VWA5B1: variants seen among roughly 807,000 people sequenced by gnomAD.
VWA5B1 encodes the protein von Willebrand factor A domain containing 5B1, also known as von Willebrand factor A domain-containing protein 5B1.
A neutral mutation model predicts 118.2 loss-of-function variants in VWA5B1; 115 were observed. The observed-to-expected ratio is 0.97, with a 90% CI of 0.84 to 1.14. The LOEUF (loss-of-function observed/expected upper bound fraction) is 1.14, where lower values mean the gene tolerates loss of function less well. Among genes scored for constraint, VWA5B1 ranks in the 50% most tolerant of loss-of-function variants. The pLI, the probability that VWA5B1 is intolerant of heterozygous loss-of-function variation, is 0.00. For missense variants in VWA5B1, 1,596 were observed against 1,603.8 expected, an observed-to-expected ratio of 1.00 and a Z score of 0.08; for synonymous variants, 682 against 658.4, an observed-to-expected ratio of 1.04 and a Z score of -0.55.
chr1:20,340,526 T>C (rs1464188684), intron 14 of VWA5B1, among the ~76,000 whole-genome samples: 3 of 152,160 alleles, frequency 2.0e-5, no homozygotes, highest in Non-Finnish European at 4.4e-5. Context: ...CGCCTCCTAA[T>C]AAATACTTGA....
At chr1:20,309,972 G>C (rs948152873) in intron 1 of VWA5B1, among the ~76,000 whole-genome samples, 5 of 150,850 alleles carry the variant, frequency 3.3e-5, no homozygotes, top group Non-Finnish European at 7.4e-5. Context: ...GCGTGGGGGT[G>C]GGGGGTGGTG....
rs772130155 is a variant in VWA5B1, at chr1:20,319,490, G to A, written c.950G>A (p.Ser317Asn). Residue 317 changes from serine (S) to asparagine (N), a missense_variant, in exon 7 of 22, where the codon AGC becomes AAC. Transcript: ENST00000289815. ...TDFIKGMKKK[S>N]RAERKTEIIR... is the part of the protein sequence containing the mutation. ...TTCATTAAAGGGATGAAGAAGAAGAGCAGAGCAGAGCGGAAGGTGAGGGCA... is the reference window on the plus strand; with the variant it reads ...TTCATTAAAGGGATGAAGAAGAAGAACAGAGCAGAGCGGAAGGTGAGGGCA... 5.2e-6 allele frequency: 8 copies of A among 1,551,658 alleles called. No individual in the cohort carries two copies. Among genetic ancestry groups the A allele is most frequent in the African/African-American group, 1.4e-5 (1 of 73,056 alleles).
intron 15 of VWA5B1, 87 bp from the exon 16 acceptor site, chr1:20,342,992 T>G: frequency 1.4e-6 from 2 of 1,451,276 alleles, no homozygotes. Flanking sequence ...TAGAAGTGTC[T>G]GCTCCCTGGG....
intron 8 of VWA5B1, among the ~76,000 whole-genome samples, chr1:20,326,180 G>C (rs942702087): frequency 6.6e-6 from 1 of 152,210 alleles, no homozygotes; most frequent in African/African-American, 2.4e-5. Flanking sequence ...AATGAAGAGA[G>C]ATTGAGAGAA....
intron 1 of VWA5B1, among the ~76,000 whole-genome samples, chr1:20,307,627 T>G (rs1366327181): frequency 6.6e-6 from 1 of 151,790 alleles, no homozygotes; most frequent in African/African-American, 2.4e-5. Flanking sequence ...CCACATTTCC[T>G]CTGCTGCTAG....
In VWA5B1 at chr1:20,343,321, C is replaced by T. The variant is rs1175334407; in HGVS notation, c.2554C>T (p.His852Tyr). 14 of 1,544,536 alleles carry T rather than the reference C, an allele frequency of 9.1e-6. No homozygotes were observed. The highest frequency in any genetic ancestry group is 1.2e-5 in the Non-Finnish European group (14 of 1,145,766). Reference sequence around the variant, plus strand: ...TGCCGACCTATGGAGCGAGACCTTCCACCACCTGGCGGCCCGCGCCATCAT... The same window carrying T: ...TGCCGACCTATGGAGCGAGACCTTCTACCACCTGGCGGCCCGCGCCATCAT... ...QDADLWSETF[H>Y]HLAARAIIRD... Residue 852 changes from histidine to tyrosine, a missense_variant, in exon 16 of 22, where the codon CAC (histidine) becomes TAC (tyrosine). His to Tyr is a moderately conservative substitution (Grantham distance 83). Coordinates refer to ENST00000289815, the MANE Select transcript of VWA5B1 (RefSeq NM_001039500.3).
intron 1 of VWA5B1, chr1:20,294,405 G>A (rs1398301535): frequency 6.6e-6 from 1 of 152,322 alleles, no homozygotes; most frequent in Non-Finnish European, 1.5e-5. Flanking sequence ...AAGGGACAAA[G>A]AGTACTATCT....
rs1285280792 is a variant in VWA5B1 at position 20,336,468 on chromosome 1, G to C, written c.1924G>C (p.Asp642His). 8.2e-6 allele frequency: 12 copies of C among 1,460,684 alleles called. No individual in the cohort carries two copies. In the East Asian group the frequency reaches 2.1e-4, roughly 26 times the overall value. 90.5% of individuals were successfully genotyped at this position (1,460,684 alleles called of 1,614,324 possible). The change falls in exon 13 of 22, where the codon GAC (aspartate) becomes CAC (histidine). Residue 642 changes from aspartate to histidine, a missense_variant. Asp to His is a moderately conservative substitution (Grantham distance 81, BLOSUM62 -1). Transcript: ENST00000289815. ...QAKNARLASG[D>H]STTKHDLNLS... ...CAAAAATGCCCGGCTAGCCAGCGGA[G>C]ACTCTACCACCAAGCACGGTTCGTC...
intron 2 of VWA5B1, 109 bp from the exon 3 acceptor site, chr1:20,312,727 G>T (rs886203080): frequency 7.4e-7 from 1 of 1,357,092 alleles, no homozygotes; most frequent in African/African-American, 1.5e-5. Flanking sequence ...TCCAATAAGC[G>T]GCAGTGGGCA....
intron 8 of VWA5B1, 90 bp downstream of exon 8, chr1:20,323,622 T>C: frequency 8.0e-7 from 1 of 1,251,800 alleles, no homozygotes; most frequent in Middle Eastern, 2.8e-4. Flanking sequence ...GCACTTTCTG[T>C]TCCAAGAAAC....
rs984196598 is a variant in VWA5B1 at position 20,358,482 on chromosome 1, G to T, written c.*4219G>T. 6.6e-6 allele frequency among the ~76,000 whole-genome samples: 1 copy of T among 152,148 alleles called. No individual in the cohort carries two copies. Among genetic ancestry groups the T allele is most frequent in the Non-Finnish European group, 1.5e-5 (1 of 68,004 alleles). On this transcript the variant is annotated 3_prime_UTR_variant, in exon 22 of 22. Transcript: ENST00000289815. ...AGGGGGTCTCCCCTATCTGTGTACA[G>T]TCTGCCCCCCCACCCTGCAATTGCC...
chr1:20,297,813 T>C lies in VWA5B1; in HGVS notation c.-27+6725T>C, dbSNP rs1570039951. 3.3e-5 allele frequency among the ~76,000 whole-genome samples: 5 copies of C among 152,132 alleles called. No homozygotes were observed. The East Asian group carries it at 9.7e-4, about 29-fold the overall frequency. On this transcript the variant is annotated intron_variant, in intron 1 of 21. Transcript: ENST00000289815. ...AGCTCTGCCCTGGGAGCTCCAAACC[T>C]CTTGTGTTATTTCCCCTCTGAGCCT... is the stretch of plus-strand genomic sequence containing the variant.
At chr1:20,350,804 AGTTGGAC>A in intron 19 of VWA5B1, 46 bp from the exon 20 acceptor site, 3 of 1,519,920 alleles carry the variant, frequency 2.0e-6, no homozygotes, top group Non-Finnish European at 2.7e-6. Context: ...GTCAGTGAGC[AGTTGGAC>A]GGGGTCATCT....
chr1:20,345,255 TGTGAAATGATGAC>T (rs1422830910), intron 16 of VWA5B1, among the ~76,000 whole-genome samples, 188 bp from the exon 17 acceptor site: 2 of 152,234 alleles, frequency 1.3e-5, no homozygotes, highest in East Asian at 1.9e-4. Flanking sequence ...TCCTTTATTT[TGTGAAATGATGAC>T]GTGAAATGAT....
chr1:20,293,119 A>G (rs865970050), intron 1 of VWA5B1, among the ~76,000 whole-genome samples: 2 of 152,190 alleles, frequency 1.3e-5, no homozygotes, highest in African/African-American at 2.4e-5. Context: ...AGCCCCACCC[A>G]GGGTGATGAC....
At chr1:20,300,868 C>T (rs896030438) in intron 1 of VWA5B1, among the ~76,000 whole-genome samples, 2 of 152,236 alleles carry the variant, frequency 1.3e-5, no homozygotes, top group African/African-American at 2.4e-5. Context: ...AGCTGTGCTC[C>T]GTCCAGGCCC....
chr1:20,349,024 C>T, intron 18 of VWA5B1: 1 of 269,040 alleles, frequency 3.7e-6, no homozygotes, highest in Non-Finnish European at 7.8e-6. Context: ...TTTTGCTGTG[C>T]AGGAGGAAGA....
At chr1:20,343,513 C>T in intron 16 of VWA5B1, 120 bp downstream of exon 16, 1 of 1,419,004 alleles carries the variant, frequency 7.0e-7, no homozygotes, top group South Asian at 1.5e-5. Context: ...GTGGTCCGCC[C>T]ACCTGCTTCC....
chr1:20,310,510 G>C, intron 1 of VWA5B1, 66 bp from the exon 2 acceptor site: 2 of 1,402,104 alleles, frequency 1.4e-6, no homozygotes, highest in Non-Finnish European at 1.9e-6. Context: ...GTCTGAAACG[G>C]GAAAACTAGG....
Sources: gnomAD v4.1 joint callset for allele counts (sites outside exome capture counted in the v4.1 genomes callset) on GRCh38, gnomAD v4.1.1 for gene constraint, MANE v1.5 for transcripts, NCBI Gene and HGNC (gene_info 2026-07-23, HGNC 2026-07-21) for gene names.